Variants in GRIN1 observed in about 807,000 individuals in gnomAD.
The protein encoded by GRIN1 is glutamate receptor ionotropic, NMDA 1.
Under a neutral mutation model 103.0 loss-of-function variants are expected in GRIN1, and 38 were observed. The ratio of observed to expected loss-of-function variants is 0.37; its 90% CI spans 0.28 to 0.48. GRIN1 has a LOEUF of 0.48. GRIN1 is among the 20% of genes least tolerant of loss of function. GRIN1 has a pLI of 0.98. For missense variants in GRIN1, 577 were observed against 1,288.9 expected, an observed-to-expected ratio of 0.45 and a Z score of 8.46; for synonymous variants, 544 against 532.7, an observed-to-expected ratio of 1.02 and a Z score of -0.29.
intron 4 of GRIN1, among the ~76,000 whole-genome samples, chr9:137,149,863 C>T (rs1199226653): frequency 2.0e-5 from 3 of 152,230 alleles, no homozygotes; most frequent in Admixed American, 2.0e-4. Flanking sequence ...CGGAGGAACA[C>T]AGCCCAGCCC....
In GRIN1 at chr9:137,145,665, C is replaced by T. The variant is rs1381573363; in HGVS notation, c.394-61C>T. The T allele has an allele frequency of 2.8e-5, 26 of 938,526 alleles. 1 individual carries two copies. The highest frequency in any genetic ancestry group is 2.7e-4 in the South Asian group (15 of 55,390). The allele number at this position is 938,526 out of a possible 1,614,324, so 58.1% of individuals were successfully genotyped here. On this transcript the variant is annotated intron_variant, in intron 2 of 19. Transcript: ENST00000371561. ...CGGCGGGTGTTCCGGCAGTGGGAGG[C>T]GGGTGGGAGGGCGGGTCCCCGCGGG...
chr9:137,145,977 G>A (rs1340825748), intron 3 of GRIN1, 75 bp downstream of exon 3: 5 of 1,064,622 alleles, frequency 4.7e-6, no homozygotes, highest in Admixed American at 2.0e-5. Context: ...CTGTGGCTCC[G>A]TGTGTGACAC....
At chr9:137,141,990 G>T (rs778634315) in intron 1 of GRIN1, 23 bp from the exon 2 acceptor site, 8 of 1,613,850 alleles carry the variant, frequency 5.0e-6, no homozygotes, top group Non-Finnish European at 5.9e-6. Context: ...GACTCAAGCT[G>T]ATCATGTCTC....
At chr9:137,159,844 C>T (rs1173547424) in intron 8 of GRIN1, among the ~76,000 whole-genome samples, 1 of 152,206 alleles carries the variant, frequency 6.6e-6, no homozygotes, top group Admixed American at 6.5e-5. Flanking sequence ...CTCTCAGGCT[C>T]ACCCTGCCTA....
At position 137,162,204 on chromosome 9, in the gene GRIN1, G is replaced by T; in HGVS notation, c.1665G>T (p.Met555Ile). ...EIPRSTLDSF[M>I]QPFQSTLWLL... ...CCCGGAGCACGCTGGACTCGTTCAT[G>T]CAGCCGTTCCAGAGCACACTGTGGC... The change falls in exon 12 of 20, where the codon ATG becomes ATT. Residue 555 changes from methionine to isoleucine, a missense_variant. Physicochemically the swap from Met to Ile is conservative, Grantham distance 10. Transcript: ENST00000371561. The T allele has an allele frequency of 6.5e-7, 1 of 1,544,356 alleles. No homozygotes were observed.
chr9:137,153,547 G>GTC (rs1833033382), intron 4 of GRIN1, among the ~76,000 whole-genome samples: 2 of 152,006 alleles, frequency 1.3e-5, no homozygotes, highest in African/African-American at 4.8e-5. Flanking sequence ...GTACACACAT[G>GTC]CACCATGCAT....
chr9:137,158,777 G>C (rs1245401605), intron 8 of GRIN1, 73 bp downstream of exon 8: 1 of 1,155,898 alleles, frequency 8.7e-7, no homozygotes, highest in East Asian at 2.3e-5. Flanking sequence ...CCTGAAGGAG[G>C]AGGGTGCGGT....
intron 8 of GRIN1, among the ~76,000 whole-genome samples, chr9:137,159,674 C>T (rs1833426022): frequency 6.6e-6 from 1 of 152,236 alleles, no homozygotes; most frequent in African/African-American, 2.4e-5. Flanking sequence ...TTTCTGGCCT[C>T]ACTAATTTTT....
At position 137,155,204 on chromosome 9, in the gene GRIN1, G is replaced by A. The variant is rs138238433; in HGVS notation, c.672-1465G>A. 1.8e-3 allele frequency among the ~76,000 whole-genome samples: 268 copies of A among 152,322 alleles called. 2 individuals are homozygous for A. The highest frequency in any genetic ancestry group is 6.0e-3 in the African/African-American group (249 of 41,580). On this transcript the variant is annotated intron_variant, in intron 4 of 19. Transcript: ENST00000371561. Reference sequence around the variant, plus strand: ...ATCATTCCACCACATCACATGTCATGGACCTGAATTGCGTCAAGAAGACGG... The same window carrying A: ...ATCATTCCACCACATCACATGTCATAGACCTGAATTGCGTCAAGAAGACGG...
chr9:137,151,133 A>G (rs1832871047), intron 4 of GRIN1, among the ~76,000 whole-genome samples: 1 of 144,552 alleles, frequency 6.9e-6, no homozygotes, highest in South Asian at 2.3e-4. Context: ...GCCCGGGGAA[A>G]GCCCTGCCCA....
intron 19 of GRIN1, among the ~76,000 whole-genome samples, chr9:137,166,356 G>A (rs530616262): frequency 6.6e-6 from 1 of 152,348 alleles, no homozygotes; most frequent in South Asian, 2.1e-4. Flanking sequence ...AGGCACCATG[G>A]TGGGGAGGGG....
chr9:137,152,257 T>C (rs1299200638), intron 4 of GRIN1, among the ~76,000 whole-genome samples: 3 of 152,186 alleles, frequency 2.0e-5, no homozygotes, highest in Admixed American at 6.5e-5. Flanking sequence ...CCCTTACTCA[T>C]CACAGAGCTT....
At position 137,161,048 on chromosome 9, in the gene GRIN1, C is replaced by T. The variant is rs1279678164; in HGVS notation, c.1198-8C>T. On this transcript the variant is annotated splice_region_variant and splice_polypyrimidine_tract_variant and intron_variant, in intron 8 of 19. Transcript: ENST00000371561. ...GTGGTCCAGGCTGGGTCTCCCCTTC[C>T]CCCCCAGATTGTGACGATCCACCAG... 6.2e-7 allele frequency: 1 copy of T among 1,612,690 alleles called. No individual in the cohort carries two copies. Among genetic ancestry groups the T allele is most frequent in the Non-Finnish European group, 8.5e-7 (1 of 1,179,818 alleles).
intron 3 of GRIN1, 66 bp from the exon 4 acceptor site, chr9:137,148,943 C>T: frequency 8.3e-7 from 1 of 1,208,612 alleles, no homozygotes; most frequent in South Asian, 1.3e-5. Context: ...TCCGGCCCAA[C>T]TCTCACCCCT....
chr9:137,155,504 G>A (rs1053420492), intron 4 of GRIN1, among the ~76,000 whole-genome samples: 2 of 152,238 alleles, frequency 1.3e-5, no homozygotes, highest in Non-Finnish European at 2.9e-5. Flanking sequence ...CCTCCTCAAG[G>A]AGGGGAGGGC....
At chr9:137,156,602 C>T in intron 4 of GRIN1, 67 bp from the exon 5 acceptor site, 1 of 1,567,080 alleles carries the variant, frequency 6.4e-7, no homozygotes. Context: ...GGAGGAGGAC[C>T]TGGGCCTGCG....
chr9:137,165,733 G>A (rs972154458), intron 19 of GRIN1, among the ~76,000 whole-genome samples: 4 of 152,240 alleles, frequency 2.6e-5, no homozygotes, highest in South Asian at 4.1e-4. Context: ...AGAGGGGCCC[G>A]CCGCCCTCAC....
chr9:137,150,423 C>T (rs571679153), intron 4 of GRIN1, among the ~76,000 whole-genome samples: 15 of 148,390 alleles, frequency 1.0e-4, no homozygotes, highest in African/African-American at 3.5e-4. Flanking sequence ...AAAGCCCCAC[C>T]CAGGGAAAGC....
At chr9:137,164,999 G>A in intron 18 of GRIN1, 187 bp from the exon 19 acceptor site, 1 of 620,062 alleles carries the variant, frequency 1.6e-6, no homozygotes, top group Non-Finnish European at 2.9e-6. Flanking sequence ...TCAGGCCCGA[G>A]ACCCCGGGCA....
Sources: gnomAD v4.1 joint callset for allele counts (sites outside exome capture counted in the v4.1 genomes callset) on GRCh38, gnomAD v4.1.1 for gene constraint, MANE v1.5 for transcripts, NCBI Gene and HGNC (gene_info 2026-07-23, HGNC 2026-07-21) for gene names.